RYR3: variants seen among roughly 807,000 people sequenced by gnomAD.
The protein encoded by RYR3 is brain ryanodine receptor-calcium release channel.
RYR3 carries 207 observed loss-of-function variants against 584.3 expected under a neutral mutation model. That is an observed-to-expected ratio of 0.35 (90% CI 0.32 to 0.40). RYR3 has a LOEUF of 0.40. Among genes scored for constraint, RYR3 ranks in the 10% least tolerant of loss-of-function variants. RYR3 has a pLI of 1.00. For synonymous variants in RYR3, 2,416 were observed against 2,248.5 expected (o/e 1.07, Z -2.11); for missense variants, 5,616 against 6,089.2 (o/e 0.92, Z 2.59).
intron 69 of RYR3, chr15:33,802,189 T>G (rs2152931814): frequency 3.0e-6 from 2 of 660,888 alleles, no homozygotes; most frequent in South Asian, 1.4e-5. Context: ...TCAAAAAGCT[T>G]AAGTTTCAAG....
chr15:33,325,474 T>C (rs1202515636), intron 1 of RYR3, among the ~76,000 whole-genome samples: 1 of 152,240 alleles, frequency 6.6e-6, no homozygotes, highest in African/African-American at 2.4e-5. Context: ...TTGCTTAGCT[T>C]GTTTCTACTT....
At chr15:33,684,955 T>C (rs1331161918) in intron 38 of RYR3, among the ~76,000 whole-genome samples, 1 of 152,080 alleles carries the variant, frequency 6.6e-6, no homozygotes, top group Non-Finnish European at 1.5e-5. Context: ...GCACTAAACA[T>C]GGAAAGGAAC....
intron 1 of RYR3, among the ~76,000 whole-genome samples, chr15:33,423,482 A>G (rs2044381725): frequency 6.6e-6 from 1 of 152,174 alleles, no homozygotes; most frequent in Non-Finnish European, 1.5e-5. Context: ...TCCTGCTTTC[A>G]GTTCCTTTGG....
intron 1 of RYR3, among the ~76,000 whole-genome samples, chr15:33,336,484 G>GAA (rs1265671488): frequency 1.3e-4 from 3 of 22,376 alleles, no homozygotes; most frequent in Non-Finnish European, 2.1e-4. Flanking sequence ...GAGAGAGAGA[G>GAA]AGAAAGAAAG....
At chr15:33,541,672 G>A (rs568005817) in intron 7 of RYR3, among the ~76,000 whole-genome samples, 5 of 152,170 alleles carry the variant, frequency 3.3e-5, no homozygotes, top group Admixed American at 6.6e-5. Context: ...TGGGAATGCC[G>A]GTCTATTCTA....
chr15:33,604,031 A>G (rs1343773371), intron 18 of RYR3, among the ~76,000 whole-genome samples: 1 of 152,134 alleles, frequency 6.6e-6, no homozygotes, highest in Non-Finnish European at 1.5e-5. Flanking sequence ...CCTGGGTGAA[A>G]AACGCGAGAT....
chr15:33,861,409 T>C (rs1285632682), intron 102 of RYR3, among the ~76,000 whole-genome samples: 2 of 151,978 alleles, frequency 1.3e-5, no homozygotes, highest in African/African-American at 4.8e-5. Context: ...GTGATTGGAT[T>C]CCATCCGGGA....
chr15:33,818,494 C>G, intron 75 of RYR3, 84 bp from the exon 76 acceptor site: 1 of 981,916 alleles, frequency 1.0e-6, no homozygotes, highest in South Asian at 1.5e-5. Flanking sequence ...GTGCCTTGCG[C>G]TTTACCTTCT....
chr15:33,604,628 A>G (rs780987597), intron 18 of RYR3, among the ~76,000 whole-genome samples: 66 of 152,218 alleles, frequency 4.3e-4, no homozygotes, highest in Admixed American at 4.1e-3. Flanking sequence ...TGGATTCAAA[A>G]TGGCAGGATG....
At chr15:33,314,366 C>T (rs573011290) in intron 1 of RYR3, among the ~76,000 whole-genome samples, 2 of 152,224 alleles carry the variant, frequency 1.3e-5, no homozygotes, top group African/African-American at 4.8e-5. Context: ...ACCTGCCAGC[C>T]GCTGATCTGA....
chr15:33,320,233 T>A (rs1255961469), intron 1 of RYR3, among the ~76,000 whole-genome samples: 1 of 152,200 alleles, frequency 6.6e-6, no homozygotes, highest in East Asian at 1.9e-4. Context: ...AAAGACAGTG[T>A]ATCATTTATC....
chr15:33,524,379 G>C (rs1159363200), intron 3 of RYR3, among the ~76,000 whole-genome samples: 4 of 152,142 alleles, frequency 2.6e-5, no homozygotes, highest in Admixed American at 2.0e-4. Flanking sequence ...GTAAAGCATA[G>C]AACATCCTCA....
chr15:33,354,151 T>G (rs1973652874), intron 1 of RYR3, among the ~76,000 whole-genome samples: 1 of 152,218 alleles, frequency 6.6e-6, no homozygotes, highest in South Asian at 2.1e-4. Flanking sequence ...ATGTTTAACA[T>G]CCCATTTTCT....
intron 12 of RYR3, among the ~76,000 whole-genome samples, chr15:33,575,403 G>T (rs956098237): frequency 2.6e-5 from 4 of 152,130 alleles, no homozygotes; most frequent in Non-Finnish European, 5.9e-5. Context: ...AAATGCAAAA[G>T]AAATGAAATC....
chr15:33,609,921 T>C (rs1242720680), intron 18 of RYR3, among the ~76,000 whole-genome samples: 3 of 152,182 alleles, frequency 2.0e-5, no homozygotes, highest in Non-Finnish European at 4.4e-5. Flanking sequence ...CTACACACTC[T>C]TCAACTTTGG....
chr15:33,426,766 T>G (rs564517009), intron 1 of RYR3, among the ~76,000 whole-genome samples: 1 of 152,280 alleles, frequency 6.6e-6, no homozygotes, highest in East Asian at 1.9e-4. Context: ...ACAGACTGGG[T>G]GGCTTATAAA....
intron 3 of RYR3, among the ~76,000 whole-genome samples, chr15:33,504,549 C>G (rs745893583): frequency 1.3e-5 from 2 of 152,242 alleles, no homozygotes; most frequent in Admixed American, 1.3e-4. Flanking sequence ...CCTATACTTA[C>G]CCCCTCCTCC....
chr15:33,533,451 G>A, intron 5 of RYR3, 62 bp downstream of exon 5: 1 of 1,148,842 alleles, frequency 8.7e-7, no homozygotes, highest in Non-Finnish European at 1.3e-6. Context: ...GGGCTTTTGA[G>A]AAGGACCCTG....
chr15:33,648,946 T>G (rs573814238), intron 30 of RYR3, 126 bp from the exon 31 acceptor site: 6 of 802,152 alleles, frequency 7.5e-6, no homozygotes, highest in Admixed American at 6.8e-5. Flanking sequence ...TCTACTAGTG[T>G]GCACTTTTCC....
Sources: gnomAD v4.1 joint callset for allele counts (sites outside exome capture counted in the v4.1 genomes callset) on GRCh38, gnomAD v4.1.1 for gene constraint, MANE v1.5 for transcripts, NCBI Gene and HGNC (gene_info 2026-07-23, HGNC 2026-07-21) for gene names.